The following UBXN4 variants were observed in gnomAD, a reference collection of about 807,000 sequenced individuals.
UBXN4 encodes UBX domain protein 4.
A neutral mutation model predicts 66.2 loss-of-function variants in UBXN4; 35 were observed. The observed-to-expected ratio is 0.53, with a 90% CI of 0.40 to 0.70. The LOEUF is 0.70. UBXN4 is among the 30% of genes least tolerant of loss of function. UBXN4 has a pLI of 0.00. For synonymous variants in UBXN4, 203 were observed against 204.5 expected, an observed-to-expected ratio of 0.99 and a Z score of 0.06; for missense variants, 533 against 599.8, an observed-to-expected ratio of 0.89 and a Z score of 1.16.
At chr2:135,760,035 T>C (rs2077305954) in intron 5 of UBXN4, among the ~76,000 whole-genome samples, 1 of 152,144 alleles carries the variant, frequency 6.6e-6, no homozygotes, top group Non-Finnish European at 1.5e-5. Context: ...CCCAAAGTGC[T>C]GGGACTACAG....
intron 6 of UBXN4, among the ~76,000 whole-genome samples, chr2:135,764,793 A>G (rs943692258): frequency 1.3e-5 from 2 of 151,782 alleles, no homozygotes; most frequent in African/African-American, 4.8e-5. Flanking sequence ...GGTGTGAGCC[A>G]CAGCACCTCG....
At chr2:135,773,598 C>T (rs568247102) in intron 9 of UBXN4, among the ~76,000 whole-genome samples, 5 of 151,956 alleles carry the variant, frequency 3.3e-5, no homozygotes, top group Non-Finnish European at 5.9e-5. Context: ...TATACCAGAA[C>T]GAATGACACA....
intron 12 of UBXN4, among the ~76,000 whole-genome samples, chr2:135,781,504 CT>C (rs2077448770): frequency 6.6e-6 from 1 of 152,126 alleles, no homozygotes; most frequent in Non-Finnish European, 1.5e-5. Context: ...AATAGAAATT[CT>C]TTTTTCTCTG....
intron 10 of UBXN4, among the ~76,000 whole-genome samples, chr2:135,776,921 G>A (rs2077418925): frequency 6.6e-6 from 1 of 152,146 alleles, no homozygotes; most frequent in Admixed American, 6.5e-5. Flanking sequence ...CTGATTAGTA[G>A]ACTCATTGAA....
chr2:135,775,766 G>C (rs1364620927), intron 9 of UBXN4, among the ~76,000 whole-genome samples: 2 of 152,016 alleles, frequency 1.3e-5, no homozygotes, highest in East Asian at 1.9e-4. Context: ...ACTTTAAAAG[G>C]CTTAATTTTT....
At position 135,779,899 on chromosome 2, in the gene UBXN4, TATA is replaced by T. The variant is rs964768725; in HGVS notation, c.1186-280_1186-278del. On this transcript the variant is annotated intron_variant, in intron 11 of 12. Coordinates refer to ENST00000272638, the MANE Select transcript of UBXN4 (RefSeq NM_014607.4). The stretch of plus-strand genomic sequence containing the variant: ...TATAATTATAATATATTATATAAAA[TATA>T]ATATATATAATATATAAAATAATTG... Among the ~76,000 whole-genome samples the T allele has an allele frequency of 2.1e-4, 29 of 137,348 alleles. No homozygotes were observed. The East Asian group carries it at 2.4e-3, about 12-fold the overall frequency. 90.1% of individuals were successfully genotyped at this position (137,348 alleles called of 152,430 possible). A position where few individuals can be genotyped will look rare whatever the true frequency, so the allele number is the denominator to read the frequency against.
chr2:135,753,992 G>T lies in UBXN4; in HGVS notation c.215-167G>T, dbSNP rs191443905. The T allele has an allele frequency of 6.4e-5, 37 of 576,504 alleles. No homozygotes were observed. The Middle Eastern group carries it at 1.4e-3, about 22-fold the overall frequency. 35.7% of individuals were successfully genotyped at this position (576,504 alleles called of 1,614,324 possible). A position where few individuals can be genotyped will look rare whatever the true frequency, so the allele number is the denominator to read the frequency against. On this transcript the variant is annotated intron_variant, in intron 3 of 12. Transcript: ENST00000272638. The stretch of plus-strand genomic sequence containing the variant: ...TACCTCATAAATTAACATGTCACAT[G>T]TATTAATACTACAGGTATAATGATG...
At chr2:135,748,544 A>G (rs970451124) in intron 2 of UBXN4, among the ~76,000 whole-genome samples, 175 bp downstream of exon 2, 3 of 151,384 alleles carry the variant, frequency 2.0e-5, no homozygotes, top group Non-Finnish European at 4.4e-5. Context: ...AGCCTGGGCA[A>G]CATAGTGAGA....
Position 135,755,498 on chromosome 2 carries a change from C to T in UBXN4, c.334-19C>T. On this transcript the variant is annotated intron_variant, in intron 4 of 12. Transcript: ENST00000272638. ...AGATTCTTATCTATTAATTAAAATCCAATTTATTTTCTGCCTAGATGCATT... is the reference window on the plus strand; with the variant it reads ...AGATTCTTATCTATTAATTAAAATCTAATTTATTTTCTGCCTAGATGCATT... 1 of 1,525,570 alleles carries T rather than the reference C, an allele frequency of 6.6e-7. No homozygotes were observed. The highest frequency in any genetic ancestry group is 8.8e-7 in the Non-Finnish European group (1 of 1,132,298). The allele number at this position is 1,525,570 out of a possible 1,614,324, so 94.5% of individuals were successfully genotyped here.
At position 135,772,454 on chromosome 2, in the gene UBXN4, CAAAG is replaced by C. The variant is rs776961127; in HGVS notation, c.858_861del (p.Glu288LysfsTer2). The C allele has an allele frequency of 6.2e-6, 10 of 1,613,904 alleles. No individual in the cohort carries two copies. Among genetic ancestry groups the C allele is most frequent in the Non-Finnish European group, 8.5e-6 (10 of 1,179,960 alleles). On this transcript the variant is annotated frameshift_variant, in exon 9 of 13. Transcript: ENST00000272638. LOFTEE classifies it high-confidence loss of function. Reference sequence around the variant, plus strand: ...GAGAGAGCTGCTCGTTTTGCAAAGACAAAGGAAGAAGTAGAGGCTGCCAAAGCTG... The same window carrying C: ...GAGAGAGCTGCTCGTTTTGCAAAGACGAAGAAGTAGAGGCTGCCAAAGCTG...
chr2:135,780,067 A>T (rs1351356392), intron 11 of UBXN4, 116 bp from the exon 12 acceptor site: 3 of 900,738 alleles, frequency 3.3e-6, no homozygotes, highest in Non-Finnish European at 5.1e-6. Flanking sequence ...TACCCTCTTG[A>T]AGTAAACTAA....
chr2:135,776,112 TAACA>T (rs1248489087), intron 9 of UBXN4, 133 bp from the exon 10 acceptor site: 7 of 664,078 alleles, frequency 1.1e-5, no homozygotes, highest in Non-Finnish European at 1.7e-5. Context: ...AAGCAGTTAT[TAACA>T]AACAAAAAGA....
intron 1 of UBXN4, 117 bp downstream of exon 1, chr2:135,742,128 C>T (rs1165664345): frequency 2.5e-6 from 3 of 1,201,520 alleles, no homozygotes; most frequent in Non-Finnish European, 3.5e-6. Flanking sequence ...TGTCGGCTCG[C>T]ACAATTGCCA....
rs189952849 is a variant in UBXN4 at position 135,760,691 on chromosome 2, A to G, written c.509-1127A>G. The stretch of plus-strand genomic sequence containing the variant: ...CCTCAGCATTTATTTTATTTGCTAA[A>G]GAAAGGTGGTTAATTTCCTATTGAG... On this transcript the variant is annotated intron_variant, in intron 5 of 12. Transcript: ENST00000272638. Among the ~76,000 whole-genome samples, 255 of 152,334 alleles carry G rather than the reference A, an allele frequency of 1.7e-3. 1 individual carries two copies. The highest frequency in any genetic ancestry group is 5.6e-3 in the African/African-American group (232 of 41,578).
intron 10 of UBXN4, 81 bp from the exon 11 acceptor site, chr2:135,778,863 GTTAA>G (rs2077433562): frequency 1.0e-5 from 14 of 1,354,166 alleles, no homozygotes; most frequent in South Asian, 7.4e-5. Flanking sequence ...TTAAGGCAAT[GTTAA>G]TTAAAGCATC....
intron 5 of UBXN4, among the ~76,000 whole-genome samples, chr2:135,759,272 G>T (rs926550389): frequency 5.3e-5 from 8 of 152,096 alleles, no homozygotes; most frequent in Non-Finnish European, 1.2e-4. Context: ...ATATCTAAAA[G>T]ATAAGAAATT....
At chr2:135,755,390 A>AT in intron 4 of UBXN4, 127 bp from the exon 5 acceptor site, 1 of 637,350 alleles carries the variant, frequency 1.6e-6, no homozygotes, top group Non-Finnish European at 2.3e-6. Context: ...TTTTGGATTC[A>AT]TCTATTTATG....
intron 2 of UBXN4, among the ~76,000 whole-genome samples, chr2:135,753,013 C>T (rs138047960): frequency 1.4e-4 from 20 of 140,418 alleles, no homozygotes; most frequent in South Asian, 6.8e-4. Flanking sequence ...CTACCACGCC[C>T]GGCCTTTTTT....
intron 11 of UBXN4, among the ~76,000 whole-genome samples, chr2:135,779,718 C>T (rs1488924916): frequency 6.6e-6 from 1 of 151,192 alleles, no homozygotes; most frequent in East Asian, 1.9e-4. Flanking sequence ...AAATAGTTGG[C>T]TCATTTCACT....
Sources: allele counts gnomAD v4.1 joint callset (sites outside exome capture counted in the v4.1 genomes callset), GRCh38; gene constraint gnomAD v4.1.1; transcripts MANE v1.5; gene names NCBI Gene and HGNC (gene_info 2026-07-23, HGNC 2026-07-21).